Variants in FSTL4 observed in about 807,000 individuals in gnomAD.
FSTL4 encodes the protein follistatin-related protein 4.
Under a neutral mutation model 78.2 loss-of-function variants are expected in FSTL4, and 28 were observed. The observed-to-expected ratio is 0.36, with a 90% confidence interval of 0.27 to 0.49. FSTL4 has a LOEUF of 0.49. Ranked by LOEUF, FSTL4 falls within the 20% of genes least tolerant of loss-of-function variation. The pLI is 0.98. For synonymous variants in FSTL4, 422 were observed against 440.5 expected, an observed-to-expected ratio of 0.96 and a Z score of 0.53; for missense variants, 922 against 1,084.9, an observed-to-expected ratio of 0.85 and a Z score of 2.11.
chr5:133,582,186 G>A (rs1443797973), intron 2 of FSTL4, among the ~76,000 whole-genome samples: 3 of 152,198 alleles, frequency 2.0e-5, no homozygotes, highest in Non-Finnish European at 4.4e-5. Context: ...GGTGGGAAGA[G>A]TAGGCTCAAG....
chr5:133,730,220 G>C, the FSTL4 span, among the ~76,000 whole-genome samples: 1 of 152,148 alleles, frequency 6.6e-6, no homozygotes, highest in Admixed American at 6.5e-5. Flanking sequence ...TTATCTCTAG[G>C]GCAGTGGCCA....
chr5:133,785,606 G>A, the FSTL4 span, among the ~76,000 whole-genome samples: 1 of 152,124 alleles, frequency 6.6e-6, no homozygotes, highest in African/African-American at 2.4e-5. Context: ...CTTAGTATGT[G>A]GTCTATGAAG....
the FSTL4 span, among the ~76,000 whole-genome samples, chr5:133,754,837 A>G: frequency 6.6e-6 from 1 of 152,174 alleles, no homozygotes. Flanking sequence ...TAAGACAGAC[A>G]TTCCTGGACA....
intron 3 of FSTL4, among the ~76,000 whole-genome samples, chr5:133,487,310 G>C (rs1024520857): frequency 1.3e-5 from 2 of 152,186 alleles, no homozygotes; most frequent in African/African-American, 4.8e-5. Flanking sequence ...ACACAGCAAA[G>C]AGAAGGTGCC....
chr5:133,664,109 C>A, the FSTL4 span, among the ~76,000 whole-genome samples: 1 of 152,144 alleles, frequency 6.6e-6, no homozygotes, highest in Non-Finnish European at 1.5e-5. Flanking sequence ...AAAGAATTAT[C>A]CAGTAGGCCT....
chr5:133,233,841 C>T (rs1314533109), intron 7 of FSTL4, among the ~76,000 whole-genome samples: 3 of 152,184 alleles, frequency 2.0e-5, no homozygotes, highest in Admixed American at 6.5e-5. Context: ...AGCAACTAGG[C>T]CCACGTGTCC....
chr5:133,445,008 A>C (rs1388166548), intron 3 of FSTL4, among the ~76,000 whole-genome samples: 1 of 152,218 alleles, frequency 6.6e-6, no homozygotes, highest in African/African-American at 2.4e-5. Flanking sequence ...AGCTGGGCGC[A>C]GATGGAAACA....
chr5:133,445,535 G>C (rs1345740563), intron 3 of FSTL4, among the ~76,000 whole-genome samples: 2 of 152,210 alleles, frequency 1.3e-5, no homozygotes, highest in African/African-American at 4.8e-5. Context: ...TCTCACCCAG[G>C]CCCTCTGTTC....
At chr5:133,756,262 C>T in the FSTL4 span, among the ~76,000 whole-genome samples, 344 of 152,018 alleles carry the variant, frequency 2.3e-3, 2 homozygotes, top group African/African-American at 7.6e-3. Flanking sequence ...GCCAGGACAC[C>T]AGGGAACCTG....
Position 133,411,636 on chromosome 5 carries a change from C to T in FSTL4, c.161-10650G>A, listed in dbSNP as rs116150675. Among the ~76,000 whole-genome samples the T allele has an allele frequency of 8.8e-3, 1,347 of 152,262 alleles. 21 individuals are homozygous for T. Among genetic ancestry groups the T allele is most frequent in the African/African-American group, 0.031 (1,284 of 41,554 alleles). ...GAAGAAAACTCCTTAAATAGCCAAT[C>T]ACTAACTGTTTCCAATTAAAATCAG... On this transcript the variant is annotated intron_variant, in intron 3 of 15. Transcript: ENST00000265342.
intron 4 of FSTL4, among the ~76,000 whole-genome samples, chr5:133,337,881 AG>A (rs1259889537): frequency 6.6e-6 from 1 of 152,226 alleles, no homozygotes; most frequent in East Asian, 1.9e-4. Flanking sequence ...GGCGCTAGGT[AG>A]TGAGCATTTT....
intron 4 of FSTL4, among the ~76,000 whole-genome samples, chr5:133,390,294 GT>G (rs1412484766): frequency 2.6e-5 from 4 of 152,254 alleles, no homozygotes; most frequent in Non-Finnish European, 5.9e-5. Flanking sequence ...TTTGAAAGTA[GT>G]TTTCACTCTG....
At chr5:133,690,210 A>G in the FSTL4 span, among the ~76,000 whole-genome samples, 252 of 151,018 alleles carry the variant, frequency 1.7e-3, no homozygotes, top group Non-Finnish European at 2.7e-3. Flanking sequence ...ACCTAAAATG[A>G]CCCCCTCCTC....
chr5:133,591,912 G>T (rs1760636085), intron 2 of FSTL4, among the ~76,000 whole-genome samples: 2 of 152,066 alleles, frequency 1.3e-5, no homozygotes, highest in South Asian at 4.1e-4. Flanking sequence ...ACCCTTCTTT[G>T]TACATGAGCA....
the FSTL4 span, among the ~76,000 whole-genome samples, chr5:133,826,045 G>A: frequency 2.0e-5 from 3 of 152,230 alleles, no homozygotes; most frequent in East Asian, 3.8e-4. Flanking sequence ...GCCTCCAGGT[G>A]AGAAGCAGGC....
At chr5:133,558,373 C>A (rs1759834885) in intron 3 of FSTL4, among the ~76,000 whole-genome samples, 1 of 152,132 alleles carries the variant, frequency 6.6e-6, no homozygotes, top group Non-Finnish European at 1.5e-5. Flanking sequence ...GAAGCTGGAG[C>A]CCCGAAGAAC....
At chr5:133,246,639 C>A (rs1363127084) in intron 7 of FSTL4, 1 of 152,194 alleles carries the variant, frequency 6.6e-6, no homozygotes. Flanking sequence ...GACAGTGAGA[C>A]CTCCGTCCCC....
chr5:133,570,216 A>AG (rs1234229584), intron 2 of FSTL4, among the ~76,000 whole-genome samples: 2 of 152,042 alleles, frequency 1.3e-5, no homozygotes, highest in Non-Finnish European at 2.9e-5. Context: ...CAAAAAAAAA[A>AG]CAAAAAACAA....
intron 2 of FSTL4, among the ~76,000 whole-genome samples, chr5:133,599,329 G>A (rs1333097941): frequency 6.6e-6 from 1 of 152,116 alleles, no homozygotes; most frequent in Non-Finnish European, 1.5e-5. Flanking sequence ...CAAGGGGAAG[G>A]GGCCGGTCAG....
Sources: allele counts gnomAD v4.1 joint callset (sites outside exome capture counted in the v4.1 genomes callset), GRCh38; gene constraint gnomAD v4.1.1; transcripts MANE v1.5; gene names NCBI Gene and HGNC (gene_info 2026-07-23, HGNC 2026-07-21).